LARGE1: variants seen among roughly 807,000 people sequenced by gnomAD.
LARGE1 encodes the protein LARGE xylosyl- and glucuronyltransferase 1, also known as xylosyl- and glucuronyltransferase LARGE1.
LARGE1 carries 43 observed loss-of-function variants against 87.6 expected under a neutral mutation model. The ratio of observed to expected loss-of-function variants is 0.49; its 90% CI spans 0.38 to 0.63. LARGE1 has a LOEUF of 0.63. Among genes scored for constraint, LARGE1 ranks in the 30% least tolerant of loss-of-function variants. LARGE1 has a pLI of 0.00. For missense variants in LARGE1, 802 were observed against 1,000.2 expected (o/e 0.80, Z 2.67); for synonymous variants, 434 against 394.6 (o/e 1.10, Z -1.18).
the LARGE1 span, among the ~76,000 whole-genome samples, chr22:33,130,312 TCAAAAAAAA>T: frequency 6.3e-5 from 1 of 15,986 alleles, no homozygotes; most frequent in African/African-American, 4.4e-4. Flanking sequence ...AGATTCCGTC[TCAAAAAAAA>T]AAAAAAAAAA....
At chr22:33,590,772 T>C (rs1288467382) in intron 5 of LARGE1, among the ~76,000 whole-genome samples, 1 of 152,218 alleles carries the variant, frequency 6.6e-6, no homozygotes, top group Non-Finnish European at 1.5e-5. Context: ...CAGCTGACAG[T>C]CAGTGAAGTC....
chr22:33,847,459 T>A (rs934760011), intron 1 of LARGE1, among the ~76,000 whole-genome samples: 7 of 152,234 alleles, frequency 4.6e-5, no homozygotes, highest in Non-Finnish European at 8.8e-5. Flanking sequence ...AGTAACAGTT[T>A]TTTAAAAAAT....
At chr22:33,375,207 T>C (rs745777657) in intron 9 of LARGE1, among the ~76,000 whole-genome samples, 1 of 152,244 alleles carries the variant, frequency 6.6e-6, no homozygotes, top group South Asian at 2.1e-4. Flanking sequence ...AAGGAAATTT[T>C]CTTCCCTAAG....
intron 11 of LARGE1, among the ~76,000 whole-genome samples, chr22:33,307,417 T>G (rs1176525175): frequency 6.6e-6 from 1 of 152,202 alleles, no homozygotes; most frequent in Non-Finnish European, 1.5e-5. Flanking sequence ...TGTTCCCAAA[T>G]ATCTTTGCTT....
intron 5 of LARGE1, among the ~76,000 whole-genome samples, chr22:33,601,036 C>T (rs1236688983): frequency 6.6e-6 from 1 of 152,176 alleles, no homozygotes; most frequent in Admixed American, 6.5e-5. Context: ...CGCCACTGCA[C>T]TCCAGCCTGG....
intron 9 of LARGE1, among the ~76,000 whole-genome samples, chr22:33,354,201 A>G (rs1940674660): frequency 6.6e-6 from 1 of 152,260 alleles, no homozygotes; most frequent in East Asian, 1.9e-4. Context: ...AGAAACTCTG[A>G]AACAGGATAG....
At chr22:33,817,073 T>C (rs1287502302) in intron 1 of LARGE1, among the ~76,000 whole-genome samples, 1 of 152,072 alleles carries the variant, frequency 6.6e-6, no homozygotes, top group Non-Finnish European at 1.5e-5. Context: ...CATACACACA[T>C]GTGTATACGT....
chr22:33,875,460 GC>G (rs2064433746), intron 1 of LARGE1, among the ~76,000 whole-genome samples: 1 of 152,212 alleles, frequency 6.6e-6, no homozygotes, highest in South Asian at 2.1e-4. Context: ...CACAGAGAGA[GC>G]AAAGCTCCTC....
At position 33,391,863 on chromosome 22, in the gene LARGE1, G is replaced by A. The variant is rs563446761; in HGVS notation, c.893-7559C>T. Among the ~76,000 whole-genome samples, 597 of 146,406 alleles carry A rather than the reference G, an allele frequency of 4.1e-3. 2 individuals carry two copies. Among genetic ancestry groups the A allele is most frequent in the African/African-American group, 0.014 (574 of 39,614 alleles). ...CGGCTCACTGCAACCTCTGCCTCCC[G>A]GGTTCTAGCGATTCTCCTGCCTCAG... is the stretch of plus-strand genomic sequence containing the variant. On this transcript the variant is annotated intron_variant, in intron 7 of 14. Coordinates refer to ENST00000397394, the MANE Select transcript of LARGE1 (RefSeq NM_133642.5).
At position 33,301,691 on chromosome 22, in the gene LARGE1, G is replaced by A. The variant is rs143650910; in HGVS notation, c.1730+2538C>T. ...GGAAGAAAGTAATAAAGTTTTAAAAGCAATTTGCAATATTTCAAAACCCCT... is the reference window on the plus strand; with the variant it reads ...GGAAGAAAGTAATAAAGTTTTAAAAACAATTTGCAATATTTCAAAACCCCT... On this transcript the variant is annotated intron_variant, in intron 12 of 14. Coordinates refer to ENST00000397394, the MANE Select transcript of LARGE1 (RefSeq NM_133642.5). 2.2e-3 allele frequency among the ~76,000 whole-genome samples: 328 copies of A among 152,154 alleles called. 1 individual carries two copies. Among genetic ancestry groups the A allele is most frequent in the African/African-American group, 7.6e-3 (315 of 41,486 alleles).
At chr22:33,665,482 G>A (rs1050691172) in intron 2 of LARGE1, among the ~76,000 whole-genome samples, 1 of 152,192 alleles carries the variant, frequency 6.6e-6, no homozygotes, top group Non-Finnish European at 1.5e-5. Context: ...GATTTCAAAT[G>A]AGGATCAAGA....
chr22:33,516,138 C>T (rs920797068), intron 6 of LARGE1, among the ~76,000 whole-genome samples: 5 of 152,084 alleles, frequency 3.3e-5, no homozygotes, highest in African/African-American at 1.2e-4. Context: ...TGGCGGAGGC[C>T]CCTCTGCTAA....
At chr22:33,894,619 T>A (rs541132194) in intron 1 of LARGE1, among the ~76,000 whole-genome samples, 2 of 152,142 alleles carry the variant, frequency 1.3e-5, no homozygotes, top group Non-Finnish European at 2.9e-5. Flanking sequence ...GAAAAACTAC[T>A]GTGCTCTTCC....
At chr22:33,280,108 A>G (rs1352841900) in intron 13 of LARGE1, among the ~76,000 whole-genome samples, 2 of 152,192 alleles carry the variant, frequency 1.3e-5, no homozygotes, top group Non-Finnish European at 2.9e-5. Context: ...TTTATAACAA[A>G]GTGGTTAAAA....
At chr22:33,550,093 T>A (rs2077478890) in intron 6 of LARGE1, among the ~76,000 whole-genome samples, 1 of 151,652 alleles carries the variant, frequency 6.6e-6, no homozygotes, top group Admixed American at 6.6e-5. Flanking sequence ...CATGTATACA[T>A]ATGTAACAAA....
At chr22:33,646,615 C>G (rs150552458) in intron 3 of LARGE1, among the ~76,000 whole-genome samples, 1 of 151,776 alleles carries the variant, frequency 6.6e-6, no homozygotes, top group Non-Finnish European at 1.5e-5. Context: ...AAAAAGTCAA[C>G]GAGTTCAAGA....
Position 33,296,841 on chromosome 22 carries a change from C to T in LARGE1, c.1730+7388G>A, listed in dbSNP as rs150213539. ...ACCTCGGCCTCCCAAAGTGCTGGGA[C>T]TACAGGTATAAGCCACTGCGCCCAG... On this transcript the variant is annotated intron_variant, in intron 12 of 14. Coordinates refer to ENST00000397394, the MANE Select transcript of LARGE1 (RefSeq NM_133642.5). 3.8e-3 allele frequency among the ~76,000 whole-genome samples: 583 copies of T among 152,150 alleles called. 6 individuals carry two copies. Among genetic ancestry groups the T allele is most frequent in the Admixed American group, 0.011 (172 of 15,266 alleles).
intron 1 of LARGE1, among the ~76,000 whole-genome samples, chr22:33,900,247 T>C (rs2065247696): frequency 6.6e-6 from 1 of 152,228 alleles, no homozygotes; most frequent in Admixed American, 6.5e-5. Context: ...TCCTGACGTC[T>C]AAGAAGATGC....
intron 11 of LARGE1, among the ~76,000 whole-genome samples, chr22:33,183,784 C>A (rs137384): frequency 0.6 from 90,732 of 151,584 alleles, 27,408 homozygotes; most frequent in Middle Eastern, 0.66. Flanking sequence ...AAGACGGGTT[C>A]TATTTGGACG....
Sources: allele counts gnomAD v4.1 joint callset (sites outside exome capture counted in the v4.1 genomes callset), GRCh38; gene constraint gnomAD v4.1.1; transcripts MANE v1.5; gene names NCBI Gene and HGNC (gene_info 2026-07-23, HGNC 2026-07-21).